The following IRX2 variants were observed in gnomAD, a reference collection of about 807,000 sequenced individuals.
The protein encoded by IRX2 is iroquois-class homeodomain protein IRX-2.
IRX2 carries 26 observed loss-of-function variants against 42.9 expected under a neutral mutation model. The ratio of observed to expected loss-of-function variants is 0.61; its 90% CI spans 0.44 to 0.84. IRX2 has a LOEUF of 0.84. Among genes scored for constraint, IRX2 ranks in the 40% least tolerant of loss-of-function variants. IRX2 has a pLI of 0.00. For synonymous variants in IRX2, 424 were observed against 353.9 expected, an observed-to-expected ratio of 1.20 and a Z score of -2.22; for missense variants, 782 against 713.9, an observed-to-expected ratio of 1.10 and a Z score of -1.09.
At position 2,749,580 on chromosome 5, in the gene IRX2, T is replaced by G. The variant is rs1330925954; in HGVS notation, c.457A>C (p.Ile153Leu). The stretch of plus-strand genomic sequence containing the variant: ...ACCTGGGTGAGGGTCATCTTGGTGA[T>G]GATGGCTAGCATGATCTTCTCGCCC... ...TKGEKIMLAI[I>L]TKMTLTQVST... The change falls in exon 2 of 4, where the codon ATC becomes CTC. Residue 153 changes from isoleucine (I) to leucine (L), a missense_variant. Ile to Leu is a conservative substitution (Grantham distance 5). Transcript: ENST00000302057. 6.2e-7 allele frequency: 1 copy of G among 1,614,228 alleles called. No individual in the cohort carries two copies. Among genetic ancestry groups the G allele is most frequent in the Non-Finnish European group, 8.5e-7 (1 of 1,180,032 alleles).
chr5:2,749,479 G>A lies in IRX2; in HGVS notation c.558C>T (p.Ser186=), dbSNP rs1737844712. ...NKMTWAPRNK[S]EDEDEDEGDA... ...CGCCCTCGTCCTCGTCCTCATCTTCGCTTTTGTTTCTCGGGGCCCAGGTCA... is the reference window on the plus strand; with the variant it reads ...CGCCCTCGTCCTCGTCCTCATCTTCACTTTTGTTTCTCGGGGCCCAGGTCA... The change falls in exon 2 of 4, where the codon AGC becomes AGT. Residue 186 remains serine (S), a synonymous_variant. Transcript: ENST00000302057. The A allele has an allele frequency of 6.2e-7, 1 of 1,614,064 alleles. No individual in the cohort carries two copies. Among genetic ancestry groups the A allele is most frequent in the Non-Finnish European group, 8.5e-7 (1 of 1,180,032 alleles).
the IRX2 span, among the ~76,000 whole-genome samples, chr5:2,738,302 C>T: frequency 6.6e-6 from 1 of 152,186 alleles, no homozygotes; most frequent in African/African-American, 2.4e-5. Context: ...CCCTCTCAGC[C>T]GCTTCTGTTT....
downstream of IRX2, among the ~76,000 whole-genome samples, chr5:2,745,128 G>A (rs753738851): frequency 7.2e-5 from 11 of 152,150 alleles, no homozygotes; most frequent in Non-Finnish European, 1.5e-4. Context: ...TTCAATATCA[G>A]CCCATAATGA....
rs547689845 is a variant in IRX2 at position 2,748,973 on chromosome 5, G to A, written c.735C>T (p.Ala245=). ...AGCCCGATTCGCACAGGGGGTCCCC[G>A]GCGCGGCACGGAAGCTTCTCCCCGT... is the stretch of plus-strand genomic sequence containing the variant. ...ESDGEKLPCR[A]GDPLCESGSE... is the part of the protein sequence containing the mutation. Residue 245 remains alanine (A), a synonymous_variant, in exon 3 of 4, where the codon GCC becomes GCT. Coordinates refer to ENST00000302057, the MANE Select transcript of IRX2 (RefSeq NM_033267.5). 1.3e-6 allele frequency: 2 copies of A among 1,597,340 alleles called. No homozygotes were observed. The highest frequency in any genetic ancestry group is 8.5e-7 in the Non-Finnish European group (1 of 1,179,486).
At chr5:2,750,789 C>T (rs1458718096) in intron 1 of IRX2, among the ~76,000 whole-genome samples, 2 of 152,232 alleles carry the variant, frequency 1.3e-5, no homozygotes, top group Non-Finnish European at 2.9e-5. Flanking sequence ...CACGCCAATG[C>T]AGGCGAGCAC....
the IRX2 span, among the ~76,000 whole-genome samples, chr5:2,740,171 G>C: frequency 6.7e-6 from 1 of 148,170 alleles, no homozygotes; most frequent in African/African-American, 2.6e-5. Flanking sequence ...CGCCGGGGCA[G>C]TCGTGGCGTG....
Position 2,751,339 on chromosome 5 carries a change from C to A in IRX2, c.75G>T (p.Ala25=). 6.9e-7 allele frequency: 1 copy of A among 1,439,782 alleles called. No homozygotes were observed. Among genetic ancestry groups the A allele is most frequent in the Non-Finnish European group, 9.1e-7 (1 of 1,097,066 alleles). The allele number at this position is 1,439,782 out of a possible 1,614,324, so 89.2% of individuals were successfully genotyped here. ...LALYSCPAYG[A]SALAAPRSEE... The stretch of plus-strand genomic sequence containing the variant: ...CGCTGCGCGGAGCCGCCAAAGCCGA[C>A]GCGCCGTAGGCCGGGCACGAGTAGA... Residue 25 remains alanine, a synonymous_variant, in exon 1 of 4, where the codon GCG becomes GCT. Transcript: ENST00000302057. The surrounding 1 kb of genome is among the most constrained non-coding windows in gnomAD (Gnocchi z 4.0).
rs1737975554 is a variant in IRX2 at position 2,751,400 on chromosome 5, T to G, written c.14A>C (p.Gln5Pro). Residue 5 changes from glutamine to proline, a missense_variant, in exon 1 of 4, where the codon CAG (glutamine) becomes CCG (proline). Physicochemically the swap from Gln to Pro is moderately conservative, Grantham distance 76. This residue lies in a region of IRX2 where 256 missense variants were observed against 250.0 expected (regional missense o/e 1.02). Coordinates refer to ENST00000302057, the MANE Select transcript of IRX2 (RefSeq NM_033267.5). The surrounding 1 kb of genome is among the most constrained non-coding windows in gnomAD (Gnocchi z 4.0). Reference sequence around the variant, plus strand: ...GCCGGGCGCCTGGTACAGGTAGCCCTGCGGGTAGGACATGGTGGGCGCGGG... The same window carrying G: ...GCCGGGCGCCTGGTACAGGTAGCCCGGCGGGTAGGACATGGTGGGCGCGGG... MSYP[Q>P]GYLYQAPGSL... 1 of 1,399,762 alleles carries G rather than the reference T, an allele frequency of 7.1e-7. No homozygotes were observed. The highest frequency in any genetic ancestry group is 3.4e-5 in the East Asian group (1 of 29,576). 86.7% of individuals were successfully genotyped at this position (1,399,762 alleles called of 1,614,324 possible).
Position 2,748,422 on chromosome 5 carries a change from C to G in IRX2, c.1286G>C (p.Ser429Thr). Reference protein sequence around the residue: ...EALHTAPKAASDAGKAGAHPL... With the variant: ...EALHTAPKAATDAGKAGAHPL... The stretch of plus-strand genomic sequence containing the variant: ...GTGCGCGCCCGCCTTGCCCGCGTCG[C>G]TGGCCGCCTTTGGCGCGGTGTGCAG... Residue 429 changes from serine to threonine, a missense_variant, in exon 3 of 4, where the codon AGC becomes ACC. This residue lies in a region of IRX2 where 520 missense variants were observed against 437.8 expected (regional missense o/e 1.19). Transcript: ENST00000302057. 1 of 1,523,642 alleles carries G rather than the reference C, an allele frequency of 6.6e-7. No homozygotes were observed. Among genetic ancestry groups the G allele is most frequent in the Non-Finnish European group, 8.8e-7 (1 of 1,140,684 alleles). The allele number at this position is 1,523,642 out of a possible 1,614,324, so 94.4% of individuals were successfully genotyped here. A position where few individuals can be genotyped will look rare whatever the true frequency, so the allele number is the denominator to read the frequency against.
chr5:2,748,512 T>G lies in IRX2; in HGVS notation c.1196A>C (p.Asn399Thr). The change falls in exon 3 of 4, where the codon AAC becomes ACC. Residue 399 changes from asparagine to threonine, a missense_variant. Transcript: ENST00000302057. The part of the protein sequence containing the change: ...YGNYTNYGNL[N>T]AALQGQGLLR... ...GAGACCCTGGCCCTGCAGCGCCGCGTTCAAGTTCCCGTAGTTTGTGTAGTT... is the reference window on the plus strand; with the variant it reads ...GAGACCCTGGCCCTGCAGCGCCGCGGTCAAGTTCCCGTAGTTTGTGTAGTT... 6.3e-7 allele frequency: 1 copy of G among 1,583,088 alleles called. No individual in the cohort carries two copies. The highest frequency in any genetic ancestry group is 8.6e-7 in the Non-Finnish European group (1 of 1,165,826).
In IRX2 at chr5:2,748,663, A is replaced by AGCCCGG. The variant is rs1482633424; in HGVS notation, c.1039_1044dup (p.Pro347_Gly348dup). On this transcript the variant is annotated inframe_insertion, in exon 3 of 4. Coordinates refer to ENST00000302057, the MANE Select transcript of IRX2 (RefSeq NM_033267.5). ...GCCGCGGGCAGCCCCGGTGGCCCGC[A>AGCCCGG]GCCCGGGCCCAGGCTCGGCTGCTTG... 56 of 1,379,614 alleles carry AGCCCGG rather than the reference A, an allele frequency of 4.1e-5. No individual in the cohort carries two copies. The highest frequency in any genetic ancestry group is 5.1e-5 in the Non-Finnish European group (54 of 1,069,220). 85.5% of individuals were successfully genotyped at this position (1,379,614 alleles called of 1,614,324 possible).
chr5:2,737,043 G>A, the IRX2 span: 1 of 152,166 alleles, frequency 6.6e-6, no homozygotes. Context: ...TGGATAGATG[G>A]ACAGCATGCG....
Position 2,748,764 on chromosome 5 carries a change from C to G in IRX2, c.944G>C (p.Arg315Pro). 2 of 1,369,438 alleles carry G rather than the reference C, an allele frequency of 1.5e-6. No individual in the cohort carries two copies. Among genetic ancestry groups the G allele is most frequent in the Admixed American group, 3.7e-5 (1 of 26,766 alleles). 84.8% of individuals were successfully genotyped at this position (1,369,438 alleles called of 1,614,324 possible). A position where few individuals can be genotyped will look rare whatever the true frequency, so the allele number is the denominator to read the frequency against. The part of the protein sequence containing the change: ...RGGRKTPQGS[R>P]TSPGAPPPAS... Reference sequence around the variant, plus strand: ...GGGGGGCGGCGCGCCCGGAGACGTCCGGCTGCCCTGGGGCGTCTTGCGGCC... The same window carrying G: ...GGGGGGCGGCGCGCCCGGAGACGTCGGGCTGCCCTGGGGCGTCTTGCGGCC... The change falls in exon 3 of 4, where the codon CGG becomes CCG. Residue 315 changes from arginine to proline, a missense_variant. Arg to Pro is a moderately radical substitution (Grantham distance 103, BLOSUM62 -2). This residue lies in a region of IRX2 where 520 missense variants were observed against 437.8 expected (regional missense o/e 1.19). Transcript: ENST00000302057.
At chr5:2,744,479 A>G (rs1212648072), downstream of IRX2, among the ~76,000 whole-genome samples, 1 of 152,234 alleles carries the variant, frequency 6.6e-6, no homozygotes, top group Non-Finnish European at 1.5e-5. Context: ...TAAGACCTTC[A>G]GACAACAATC....
At chr5:2,749,132 C>T in intron 2 of IRX2, 80 bp from the exon 3 acceptor site, 2 of 1,533,416 alleles carry the variant, frequency 1.3e-6, no homozygotes, top group East Asian at 4.8e-5. Flanking sequence ...TGTCCTGCGG[C>T]ACTGGGCCCT....
chr5:2,740,806 C>A, the IRX2 span, among the ~76,000 whole-genome samples: 2 of 152,206 alleles, frequency 1.3e-5, no homozygotes, highest in African/African-American at 4.8e-5. Flanking sequence ...GGCCCAGGGT[C>A]TCCAGCACTG....
At chr5:2,738,194 T>A in the IRX2 span, among the ~76,000 whole-genome samples, 94 of 152,330 alleles carry the variant, frequency 6.2e-4, no homozygotes, top group Non-Finnish European at 1.1e-3. Context: ...TATAAAACAG[T>A]CCAGCTCCAT....
At chr5:2,750,966 G>T (rs1041336027) in intron 1 of IRX2, among the ~76,000 whole-genome samples, 199 bp downstream of exon 1, 6 of 151,852 alleles carry the variant, frequency 4.0e-5, no homozygotes, top group South Asian at 2.1e-4. Flanking sequence ...GCTCAGGGAC[G>T]TCCCCGCCTG....
At chr5:2,737,157 C>T in the IRX2 span, 1 of 152,248 alleles carries the variant, frequency 6.6e-6, no homozygotes, top group African/African-American at 2.4e-5. Context: ...AGAAGTAGCT[C>T]CGTTCATTCA....
Sources: gnomAD v4.1 joint callset for allele counts (sites outside exome capture counted in the v4.1 genomes callset) on GRCh38, gnomAD v4.1.1 for gene constraint, gnomAD v4.1.1 regional missense constraint, Gnocchi (gnomAD v3.1) non-coding constraint, MANE v1.5 for transcripts, NCBI Gene and HGNC (gene_info 2026-07-23, HGNC 2026-07-21) for gene names.